Variants in HSD17B12 observed in about 807,000 individuals in gnomAD.
The protein encoded by HSD17B12 is very-long-chain 3-oxoacyl-CoA reductase.
Under a neutral mutation model 39.3 loss-of-function variants are expected in HSD17B12, and 32 were observed. That is an observed-to-expected ratio of 0.81 (90% CI 0.61 to 1.09). The LOEUF (loss-of-function observed/expected upper bound fraction) is 1.09, where lower values mean the gene tolerates loss of function less well. Among genes scored for constraint, HSD17B12 ranks in the 50% least tolerant of loss-of-function variants. The pLI is 0.00. For missense variants in HSD17B12, 342 were observed against 382.9 expected (o/e 0.89, Z 0.89); for synonymous variants, 150 against 146.7 (o/e 1.02, Z -0.16).
chr11:43,681,223 C>T lies in HSD17B12; in HGVS notation c.160+236C>T, dbSNP rs527404167. Reference sequence around the variant, plus strand: ...GCTCGCTCAATCCTGGGAATCTAAGCTCAGCTTAGGGTGTAGGAGAAAACT... The same window carrying T: ...GCTCGCTCAATCCTGGGAATCTAAGTTCAGCTTAGGGTGTAGGAGAAAACT... On this transcript the variant is annotated intron_variant, in intron 1 of 10. Coordinates refer to ENST00000278353, the MANE Select transcript of HSD17B12 (RefSeq NM_016142.3). 50 of 1,237,732 alleles carry T rather than the reference C, an allele frequency of 4.0e-5. No individual in the cohort carries two copies. In the East Asian group the frequency reaches 1.6e-3, roughly 40 times the overall value. The allele number at this position is 1,237,732 out of a possible 1,614,324, so 76.7% of individuals were successfully genotyped here.
the HSD17B12 span, among the ~76,000 whole-genome samples, chr11:43,607,563 C>T: frequency 3.9e-5 from 6 of 152,288 alleles, no homozygotes; most frequent in African/African-American, 4.8e-5. Context: ...CAAATAATAA[C>T]TTACTTGATC....
intron 3 of HSD17B12, among the ~76,000 whole-genome samples, chr11:43,792,682 CTT>C (rs60140879): frequency 3.6e-4 from 36 of 101,284 alleles, no homozygotes; most frequent in Middle Eastern, 6.5e-3. Flanking sequence ...TCAATGTAAC[CTT>C]TTTTTTTTTT....
the HSD17B12 span, among the ~76,000 whole-genome samples, chr11:43,651,395 G>A: frequency 2.0e-5 from 3 of 152,070 alleles, no homozygotes; most frequent in Admixed American, 2.0e-4. Flanking sequence ...TTTTCAGTCT[G>A]CCTCACTTGG....
intron 3 of HSD17B12, among the ~76,000 whole-genome samples, chr11:43,790,722 T>C (rs1316928219): frequency 6.6e-6 from 1 of 152,256 alleles, no homozygotes; most frequent in African/African-American, 2.4e-5. Context: ...CCAGGCACAG[T>C]GGCTTACGCC....
At chr11:43,727,876 AC>A (rs1950235036) in intron 1 of HSD17B12, among the ~76,000 whole-genome samples, 1 of 150,934 alleles carries the variant, frequency 6.6e-6, no homozygotes, top group Non-Finnish European at 1.5e-5. Context: ...TGGGCAGTGG[AC>A]TCCCCTTTCT....
In HSD17B12 at chr11:43,826,673, A is replaced by C. The variant is rs868066947; in HGVS notation, c.502-4303A>C. Among the ~76,000 whole-genome samples the C allele has an allele frequency of 5.9e-5, 9 of 152,322 alleles. No individual in the cohort carries two copies. The Middle Eastern group carries it at 0.01, about 173-fold the overall frequency. On this transcript the variant is annotated intron_variant, in intron 6 of 10. Coordinates refer to ENST00000278353, the MANE Select transcript of HSD17B12 (RefSeq NM_016142.3). ...ATCAAATAATACTTGGAGATCTCAA[A>C]GCACTCTTAGAAACTTTGTCTAATT...
chr11:43,595,243 C>T, the HSD17B12 span, among the ~76,000 whole-genome samples: 12 of 152,300 alleles, frequency 7.9e-5, no homozygotes, highest in Admixed American at 2.0e-4. Context: ...ATGGAGCTGT[C>T]TTAAGTGGAG....
intron 1 of HSD17B12, among the ~76,000 whole-genome samples, chr11:43,729,504 C>G (rs1372740024): frequency 6.6e-6 from 1 of 151,750 alleles, no homozygotes; most frequent in Non-Finnish European, 1.5e-5. Flanking sequence ...ACATTTGAAA[C>G]TTTTGCTGGA....
the HSD17B12 span, among the ~76,000 whole-genome samples, chr11:43,665,032 A>G: frequency 6.6e-6 from 1 of 152,222 alleles, no homozygotes. Flanking sequence ...TAAAGTCTTT[A>G]TAGAAAAAAT....
In HSD17B12 at chr11:43,855,157, C is replaced by CA. The variant is rs1951571136; in HGVS notation, c.851dup (p.Asn284LysfsTer59). On this transcript the variant is annotated frameshift_variant, in exon 11 of 11. Coordinates refer to ENST00000278353, the MANE Select transcript of HSD17B12 (RefSeq NM_016142.3). LOFTEE classifies it low-confidence loss of function (END_TRUNC). ...CTGTTTCCCTAGGGCTCGATAATCT[C>CA]AAACCTGCCTTCTTGGATTTATTTG... 2 of 1,607,894 alleles carry CA rather than the reference C, an allele frequency of 1.2e-6. No individual in the cohort carries two copies. Among genetic ancestry groups the CA allele is most frequent in the Non-Finnish European group, 1.7e-6 (2 of 1,176,220 alleles).
chr11:43,734,305 CA>C, intron 1 of HSD17B12: 30 of 1,147,382 alleles, frequency 2.6e-5, no homozygotes, highest in Non-Finnish European at 2.9e-5. Context: ...CCGTGGAAGC[CA>C]AAAAGGTGGC....
intron 1 of HSD17B12, among the ~76,000 whole-genome samples, chr11:43,702,682 G>A (rs963904615): frequency 2.0e-5 from 3 of 152,148 alleles, no homozygotes; most frequent in Non-Finnish European, 4.4e-5. Flanking sequence ...ACTTGGTCAC[G>A]GTGGATGATC....
intron 3 of HSD17B12, among the ~76,000 whole-genome samples, chr11:43,794,254 G>A (rs1321945243): frequency 6.6e-6 from 1 of 152,126 alleles, no homozygotes; most frequent in Non-Finnish European, 1.5e-5. Flanking sequence ...TTGAGTATCT[G>A]TATATATCAT....
At chr11:43,814,220 T>C (rs1951100449) in intron 4 of HSD17B12, among the ~76,000 whole-genome samples, 1 of 152,110 alleles carries the variant, frequency 6.6e-6, no homozygotes, top group Non-Finnish European at 1.5e-5. Flanking sequence ...TTTAACATAG[T>C]GGTTAAAAGC....
the HSD17B12 span, among the ~76,000 whole-genome samples, chr11:43,622,433 C>CA: frequency 6.6e-6 from 1 of 151,178 alleles, no homozygotes; most frequent in Admixed American, 6.6e-5. Flanking sequence ...TCCATTTCTA[C>CA]AAAAAATAAA....
At chr11:43,583,744 C>G in the HSD17B12 span, among the ~76,000 whole-genome samples, 1 of 152,004 alleles carries the variant, frequency 6.6e-6, no homozygotes, top group African/African-American at 2.4e-5. Flanking sequence ...AAAGCTACCT[C>G]GCCTTTTGAA....
intron 1 of HSD17B12, among the ~76,000 whole-genome samples, chr11:43,690,743 T>A (rs969625791): frequency 6.6e-5 from 10 of 152,048 alleles, no homozygotes; most frequent in Non-Finnish European, 1.3e-4. Context: ...TACTTTTGAA[T>A]CCCAGCTCAG....
chr11:43,799,073 C>T (rs1404518185), intron 4 of HSD17B12, among the ~76,000 whole-genome samples: 1 of 151,986 alleles, frequency 6.6e-6, no homozygotes, highest in African/African-American at 2.4e-5. Context: ...CATTTACATA[C>T]AGTTGAGGAA....
chr11:43,652,097 A>G, the HSD17B12 span, among the ~76,000 whole-genome samples: 283 of 152,306 alleles, frequency 1.9e-3, 2 homozygotes, highest in African/African-American at 6.1e-3. Context: ...TCCCAATCAA[A>G]ATACCAGGTA....
Sources: allele counts gnomAD v4.1 joint callset (sites outside exome capture counted in the v4.1 genomes callset), GRCh38; gene constraint gnomAD v4.1.1; transcripts MANE v1.5; gene names NCBI Gene and HGNC (gene_info 2026-07-23, HGNC 2026-07-21).